Variants in LOXHD1 observed in about 807,000 individuals in gnomAD.
LOXHD1 encodes lipoxygenase homology domain-containing protein 1.
LOXHD1 carries 205 observed loss-of-function variants against 248.2 expected under a neutral mutation model. The observed-to-expected ratio is 0.83, with a 90% CI of 0.74 to 0.93. The LOEUF (loss-of-function observed/expected upper bound fraction) is 0.93. Ranked by LOEUF, LOXHD1 falls within the 40% of genes least tolerant of loss-of-function variation. LOXHD1 has a pLI of 0.00. For missense variants in LOXHD1, 2,930 were observed against 2,971.6 expected, an observed-to-expected ratio of 0.99 and a Z score of 0.33; for synonymous variants, 1,113 against 1,162.8, an observed-to-expected ratio of 0.96 and a Z score of 0.87.
At chr18:46,540,710 A>G (rs2036524729) in intron 25 of LOXHD1, among the ~76,000 whole-genome samples, 1 of 135,680 alleles carries the variant, frequency 7.4e-6, no homozygotes, top group African/African-American at 2.7e-5. Context: ...GTAGGGAGAA[A>G]TGGATACGTT....
intron 38 of LOXHD1, among the ~76,000 whole-genome samples, chr18:46,485,726 C>G (rs1454144090): frequency 1.3e-5 from 2 of 152,160 alleles, no homozygotes; most frequent in Non-Finnish European, 2.9e-5. Context: ...TCTCTAGCCC[C>G]AGACACAAAC....
intron 5 of LOXHD1, among the ~76,000 whole-genome samples, chr18:46,615,933 A>G (rs970871074): frequency 1.3e-5 from 2 of 152,106 alleles, no homozygotes; most frequent in Non-Finnish European, 2.9e-5. Flanking sequence ...TCCTTTTGTC[A>G]TTGTCTATTT....
At chr18:46,610,403 GC>G (rs1463402102) in intron 6 of LOXHD1, among the ~76,000 whole-genome samples, 3 of 151,276 alleles carry the variant, frequency 2.0e-5, no homozygotes, top group East Asian at 3.9e-4. Context: ...CCTGTCGGGG[GC>G]TGGGGGGCTG....
In LOXHD1 at chr18:46,507,713, C is replaced by G; in HGVS notation, c.5518-1G>C. ...CAGTGTTCATGTTCTTCAGTAGGATCTGGGGGAGAGGGAGCCACCGTGGGA... is the reference window on the plus strand; with the variant it reads ...CAGTGTTCATGTTCTTCAGTAGGATGTGGGGGAGAGGGAGCCACCGTGGGA... On this transcript the variant is annotated splice_acceptor_variant, in intron 35 of 40. Coordinates refer to ENST00000642948, the MANE Select transcript of LOXHD1 (RefSeq NM_001384474.1). LOFTEE classifies it high-confidence loss of function. 1 of 1,548,652 alleles carries G rather than the reference C, an allele frequency of 6.5e-7. No individual in the cohort carries two copies. The highest frequency in any genetic ancestry group is 2.4e-5 in the East Asian group (1 of 40,844).
chr18:46,593,063 G>A (rs1377962603), intron 10 of LOXHD1, among the ~76,000 whole-genome samples: 1 of 152,072 alleles, frequency 6.6e-6, no homozygotes, highest in Non-Finnish European at 1.5e-5. Context: ...GTGTAACAGA[G>A]GTACCAATGG....
chr18:46,617,331 T>A (rs1235177508), intron 5 of LOXHD1, among the ~76,000 whole-genome samples: 5 of 152,198 alleles, frequency 3.3e-5, no homozygotes, highest in African/African-American at 4.8e-5. Context: ...TCAGGGCTTC[T>A]GGCTTTATAT....
chr18:46,527,096 A>G (rs1379084677), intron 29 of LOXHD1, among the ~76,000 whole-genome samples: 2 of 152,084 alleles, frequency 1.3e-5, no homozygotes, highest in African/African-American at 4.8e-5. Context: ...GAATGGGACA[A>G]AGATTTTTTC....
chr18:46,637,489 G>A (rs1212812974), intron 4 of LOXHD1, among the ~76,000 whole-genome samples: 6 of 152,172 alleles, frequency 3.9e-5, no homozygotes, highest in South Asian at 2.1e-4. Context: ...GTGTGCTAAC[G>A]ATTGATCATA....
chr18:46,481,678 C>T (rs1421899788), intron 40 of LOXHD1, among the ~76,000 whole-genome samples: 7 of 152,206 alleles, frequency 4.6e-5, no homozygotes, highest in Admixed American at 2.0e-4. Context: ...TCTTCCTCCC[C>T]GCTCCAGCCC....
At chr18:46,502,863 G>A (rs75737828) in intron 37 of LOXHD1, among the ~76,000 whole-genome samples, 6,326 of 152,190 alleles carry the variant, frequency 0.042, 427 homozygotes, top group African/African-American at 0.15. Context: ...AGGGAACCCC[G>A]TGCTTCTGGT....
At chr18:46,597,520 A>G (rs2038273895) in intron 8 of LOXHD1, among the ~76,000 whole-genome samples, 1 of 146,994 alleles carries the variant, frequency 6.8e-6, no homozygotes, top group Non-Finnish European at 1.5e-5. Context: ...CCTTAGTGGT[A>G]TATATTTCAA....
At chr18:46,604,976 T>C (rs1218451035) in intron 6 of LOXHD1, among the ~76,000 whole-genome samples, 1 of 152,230 alleles carries the variant, frequency 6.6e-6, no homozygotes, top group African/African-American at 2.4e-5. Context: ...CATAACATCA[T>C]GTTATATACC....
intron 29 of LOXHD1, among the ~76,000 whole-genome samples, chr18:46,527,800 A>G (rs759428588): frequency 2.6e-5 from 4 of 152,254 alleles, no homozygotes; most frequent in Non-Finnish European, 4.4e-5. Flanking sequence ...CTGGTACAAC[A>G]TGCTCTTACA....
rs1398868267 is a variant in LOXHD1, at chr18:46,477,804, A to G, written c.6490T>C (p.Tyr2164His). 1 of 1,551,830 alleles carries G rather than the reference A, an allele frequency of 6.4e-7. No individual in the cohort carries two copies. The highest frequency in any genetic ancestry group is 2.0e-5 in the Admixed American group (1 of 51,018). The change falls in exon 41 of 41, where the codon TAT becomes CAT. Residue 2164 changes from tyrosine (Y) to histidine (H), a missense_variant. Coordinates refer to ENST00000642948, the MANE Select transcript of LOXHD1 (RefSeq NM_001384474.1). ...GCATCAGTGCCTGCCCCTGGCTCAT[A>G]GCCTGTTGTCACGATGACTTCGTAC... Reference protein sequence around the residue: ...VKYEVIVTTGYEPGAGTDANV... With the variant: ...VKYEVIVTTGHEPGAGTDANV...
At chr18:46,627,639 G>A (rs1478653819) in intron 4 of LOXHD1, among the ~76,000 whole-genome samples, 1 of 151,532 alleles carries the variant, frequency 6.6e-6, no homozygotes, top group Non-Finnish European at 1.5e-5. Flanking sequence ...AATGTGGCTG[G>A]TGGTGGTTCT....
chr18:46,620,383 C>T (rs898356703), intron 4 of LOXHD1, among the ~76,000 whole-genome samples: 3 of 152,148 alleles, frequency 2.0e-5, no homozygotes, highest in African/African-American at 7.2e-5. Flanking sequence ...CTGAAGGTTG[C>T]ATCAGTCCAT....
At chr18:46,590,162 T>C (rs568083467) in intron 12 of LOXHD1, among the ~76,000 whole-genome samples, 1 of 152,264 alleles carries the variant, frequency 6.6e-6, no homozygotes, top group Non-Finnish European at 1.5e-5. Context: ...AGATATTACC[T>C]GTAAATTTGT....
At chr18:46,601,135 C>T in intron 8 of LOXHD1, 82 bp downstream of exon 8, 2 of 1,470,990 alleles carry the variant, frequency 1.4e-6, no homozygotes, top group Non-Finnish European at 1.8e-6. Flanking sequence ...AGAGAAGTAG[C>T]ATTCAGGTTA....
At chr18:46,630,403 A>G (rs886514108) in intron 4 of LOXHD1, among the ~76,000 whole-genome samples, 3 of 152,244 alleles carry the variant, frequency 2.0e-5, no homozygotes, top group African/African-American at 7.2e-5. Flanking sequence ...TTACTTGGCC[A>G]GAAAGCAGGA....
Sources: gnomAD v4.1 joint callset for allele counts (sites outside exome capture counted in the v4.1 genomes callset) on GRCh38, gnomAD v4.1.1 for gene constraint, MANE v1.5 for transcripts, NCBI Gene and HGNC (gene_info 2026-07-23, HGNC 2026-07-21) for gene names.